The following EPHA5 variants were observed in gnomAD, a reference collection of about 807,000 sequenced individuals.
EPHA5 encodes the protein EPH receptor A5.
EPHA5 carries 60 observed loss-of-function variants against 105.0 expected under a neutral mutation model. The observed-to-expected ratio is 0.57, with a 90% CI of 0.46 to 0.71. The LOEUF (loss-of-function observed/expected upper bound fraction) is 0.71. Among genes scored for constraint, EPHA5 ranks in the 30% least tolerant of loss-of-function variants. EPHA5 has a pLI of 0.00. For synonymous variants in EPHA5, 513 were observed against 449.1 expected (o/e 1.14, Z -1.80); for missense variants, 1,218 against 1,274.7 (o/e 0.96, Z 0.68).
At chr4:65,640,879 C>T (rs889813413) in intron 2 of EPHA5, among the ~76,000 whole-genome samples, 14 of 152,146 alleles carry the variant, frequency 9.2e-5, no homozygotes, top group African/African-American at 3.1e-4. Flanking sequence ...TTCATTGAGA[C>T]ATTTTAAAAT....
chr4:65,485,146 T>A (rs969994064), intron 5 of EPHA5, among the ~76,000 whole-genome samples: 1 of 151,808 alleles, frequency 6.6e-6, no homozygotes, highest in Non-Finnish European at 1.5e-5. Flanking sequence ...AATTTGTATA[T>A]CCACTATTTG....
At chr4:65,625,080 T>C (rs1443046115) in intron 2 of EPHA5, among the ~76,000 whole-genome samples, 1 of 152,170 alleles carries the variant, frequency 6.6e-6, no homozygotes, top group Non-Finnish European at 1.5e-5. Context: ...ATAGCACTAA[T>C]GATGTTTAAG....
intron 3 of EPHA5, among the ~76,000 whole-genome samples, chr4:65,550,130 GTAA>G (rs1367139824): frequency 8.6e-5 from 13 of 151,480 alleles, no homozygotes; most frequent in Admixed American, 1.3e-4. Context: ...AATAATATTA[GTAA>G]TAATAATTAT....
intron 3 of EPHA5, among the ~76,000 whole-genome samples, chr4:65,499,470 T>C (rs1356096273): frequency 6.6e-6 from 1 of 151,626 alleles, no homozygotes; most frequent in Non-Finnish European, 1.5e-5. Flanking sequence ...TTTCCATATA[T>C]ACATCTGTAG....
intron 8 of EPHA5, among the ~76,000 whole-genome samples, chr4:65,370,816 A>G (rs537212428): frequency 7.2e-5 from 11 of 152,268 alleles, no homozygotes; most frequent in African/African-American, 2.6e-4. Context: ...ATACGGCTGC[A>G]TATCACATTA....
chr4:65,594,762 T>C (rs74326235), intron 3 of EPHA5, among the ~76,000 whole-genome samples: 1 of 150,120 alleles, frequency 6.7e-6, no homozygotes, highest in Admixed American at 6.7e-5. Context: ...AAGAAAAAAA[T>C]GGGTTTTATA....
At chr4:65,659,313 G>A (rs1440508922) in intron 1 of EPHA5, among the ~76,000 whole-genome samples, 1 of 76,714 alleles carries the variant, frequency 1.3e-5, no homozygotes. Context: ...ATATACTAGA[G>A]TAACAGAAAA....
At chr4:65,404,596 C>T (rs1452154635) in intron 7 of EPHA5, 117 bp from the exon 8 acceptor site, 1 of 743,918 alleles carries the variant, frequency 1.3e-6, no homozygotes, top group Non-Finnish European at 2.2e-6. Flanking sequence ...CCACACTTAG[C>T]TGAAATTTCC....
intron 3 of EPHA5, among the ~76,000 whole-genome samples, chr4:65,575,804 C>T (rs1454818354): frequency 6.6e-6 from 1 of 151,488 alleles, no homozygotes; most frequent in Non-Finnish European, 1.5e-5. Flanking sequence ...TGGTGAAATC[C>T]TGTCTCTACT....
intron 3 of EPHA5, among the ~76,000 whole-genome samples, chr4:65,544,501 G>T (rs1429182477): frequency 6.6e-6 from 1 of 151,946 alleles, no homozygotes; most frequent in Non-Finnish European, 1.5e-5. Context: ...TATAATTAGA[G>T]AAATGCAAAT....
chr4:65,641,003 C>T (rs1308140931), intron 2 of EPHA5, among the ~76,000 whole-genome samples: 2 of 152,156 alleles, frequency 1.3e-5, no homozygotes, highest in Admixed American at 6.5e-5. Flanking sequence ...ACAATTGCCT[C>T]TCTTTTTGAC....
At chr4:65,343,176 T>C (rs1415865601) in intron 14 of EPHA5, among the ~76,000 whole-genome samples, 1 of 152,198 alleles carries the variant, frequency 6.6e-6, no homozygotes, top group African/African-American at 2.4e-5. Flanking sequence ...TTATTTTAGC[T>C]TCTGAAAACT....
At chr4:65,542,479 G>A (rs1397539039) in intron 3 of EPHA5, among the ~76,000 whole-genome samples, 1 of 151,936 alleles carries the variant, frequency 6.6e-6, no homozygotes. Flanking sequence ...TAGAAGAAAT[G>A]GATAAATTCC....
At chr4:65,660,696 T>C (rs886855946) in intron 1 of EPHA5, among the ~76,000 whole-genome samples, 12 of 152,104 alleles carry the variant, frequency 7.9e-5, no homozygotes, top group Non-Finnish European at 1.8e-4. Context: ...AAGACCATGG[T>C]TGAGCTGGGT....
chr4:65,670,230 G>C lies in EPHA5; in HGVS notation c.-488C>G, dbSNP rs561279680. 13 of 235,426 alleles carry C rather than the reference G, an allele frequency of 5.5e-5. No individual in the cohort carries two copies. Among genetic ancestry groups the C allele is most frequent in the African/African-American group, 2.6e-4 (12 of 45,602 alleles). The allele number at this position is 235,426 out of a possible 1,614,324, so 14.6% of individuals were successfully genotyped here. Reference sequence around the variant, plus strand: ...GGCTAAGGATAAAGAAAGAGGACTTGAGAAAATGTGGAGAATGAAAAACAG... The same window carrying C: ...GGCTAAGGATAAAGAAAGAGGACTTCAGAAAATGTGGAGAATGAAAAACAG... On this transcript the variant is annotated 5_prime_UTR_variant, in exon 1 of 17. Transcript: ENST00000613740.
chr4:65,490,756 A>G (rs769825991), intron 4 of EPHA5, 44 bp from the exon 5 acceptor site: 2 of 1,567,152 alleles, frequency 1.3e-6, no homozygotes, highest in Admixed American at 1.8e-5. Context: ...TTAAGATGGT[A>G]TTAATTAGGC....
At chr4:65,507,825 G>A (rs1344905053) in intron 3 of EPHA5, among the ~76,000 whole-genome samples, 1 of 151,856 alleles carries the variant, frequency 6.6e-6, no homozygotes, top group Non-Finnish European at 1.5e-5. Flanking sequence ...AGAAATCTGT[G>A]GATGAATGGT....
intron 1 of EPHA5, among the ~76,000 whole-genome samples, chr4:65,655,897 A>C (rs559919263): frequency 1.3e-5 from 2 of 152,278 alleles, no homozygotes; most frequent in East Asian, 3.9e-4. Context: ...GTTACAAGTC[A>C]GGATTATATC....
intron 3 of EPHA5, among the ~76,000 whole-genome samples, chr4:65,502,212 A>AAG (rs1464748320): frequency 6.6e-6 from 1 of 151,680 alleles, no homozygotes; most frequent in African/African-American, 2.4e-5. Context: ...ATGTATGACT[A>AAG]AGTCTTTACA....
Sources: gnomAD v4.1 joint callset for allele counts (sites outside exome capture counted in the v4.1 genomes callset) on GRCh38, gnomAD v4.1.1 for gene constraint, MANE v1.5 for transcripts, NCBI Gene and HGNC (gene_info 2026-07-23, HGNC 2026-07-21) for gene names.